The following PDE1C variants were observed in gnomAD, a reference collection of about 807,000 sequenced individuals.
PDE1C encodes the protein dual specificity calcium/calmodulin-dependent 3',5'-cyclic nucleotide phosphodiesterase 1C.
A neutral mutation model predicts 93.1 loss-of-function variants in PDE1C; 62 were observed. That is an observed-to-expected ratio of 0.67 (90% CI 0.54 to 0.82). The LOEUF (loss-of-function observed/expected upper bound fraction) is 0.82. Among genes scored for constraint, PDE1C ranks in the 40% least tolerant of loss-of-function variants. The probability of loss-of-function intolerance (pLI) is 0.00; values close to 1 mark genes in which losing one functional copy is unlikely to be tolerated. For synonymous variants in PDE1C, 325 were observed against 310.1 expected (o/e 1.05, Z -0.50); for missense variants, 742 against 884.6 (o/e 0.84, Z 2.04).
chr7:31,838,398 C>T (rs1335798640), intron 9 of PDE1C, among the ~76,000 whole-genome samples: 2 of 152,258 alleles, frequency 1.3e-5, no homozygotes, highest in African/African-American at 2.4e-5. Context: ...TTTAGGTTGA[C>T]AGAAAAATTG....
chr7:31,749,248 G>A (rs1207184251), downstream of PDE1C, among the ~76,000 whole-genome samples: 1 of 151,948 alleles, frequency 6.6e-6, no homozygotes, highest in Non-Finnish European at 1.5e-5. Flanking sequence ...TATTATAACT[G>A]AATGGAAAAA....
At chr7:32,240,370 A>C (rs562001434) in intron 1 of PDE1C, among the ~76,000 whole-genome samples, 33 of 152,362 alleles carry the variant, frequency 2.2e-4, no homozygotes, top group African/African-American at 4.6e-4. Flanking sequence ...GGGATTCAAC[A>C]GTGAACAAAA....
chr7:32,297,845 G>C (rs1585093666), intron 1 of PDE1C, among the ~76,000 whole-genome samples: 1 of 152,170 alleles, frequency 6.6e-6, no homozygotes, highest in African/African-American at 2.4e-5. Flanking sequence ...CTCTCTCTCA[G>C]ACTGAATTGG....
chr7:32,331,656 T>C (rs140390060), intron 1 of PDE1C, among the ~76,000 whole-genome samples: 300 of 152,092 alleles, frequency 2.0e-3, no homozygotes, highest in African/African-American at 6.7e-3. Context: ...GTGTGAGTGG[T>C]GGAAGTGGGG....
intron 1 of PDE1C, among the ~76,000 whole-genome samples, chr7:32,255,903 G>C (rs1350638028): frequency 6.6e-6 from 1 of 152,192 alleles, no homozygotes; most frequent in Non-Finnish European, 1.5e-5. Flanking sequence ...CCTCATGAGG[G>C]AAAGAGGACA....
intron 1 of PDE1C, among the ~76,000 whole-genome samples, chr7:32,377,701 G>T (rs942944002): frequency 6.6e-6 from 1 of 152,120 alleles, no homozygotes; most frequent in Non-Finnish European, 1.5e-5. Context: ...TTTAGAAATG[G>T]AGAATTGAGA....
At chr7:32,123,629 G>A (rs1799417454) in intron 3 of PDE1C, among the ~76,000 whole-genome samples, 1 of 152,172 alleles carries the variant, frequency 6.6e-6, no homozygotes, top group African/African-American at 2.4e-5. Context: ...AATAGATGCA[G>A]AAAGGGCCTT....
chr7:32,101,686 G>C (rs981170717), intron 3 of PDE1C, among the ~76,000 whole-genome samples: 6 of 152,158 alleles, frequency 3.9e-5, no homozygotes, highest in African/African-American at 1.2e-4. Flanking sequence ...ATGCTTCTTA[G>C]CCTGCAGAAC....
chr7:31,785,644 A>G (rs1783845602), intron 16 of PDE1C: 2 of 152,208 alleles, frequency 1.3e-5, no homozygotes, highest in South Asian at 4.1e-4. Flanking sequence ...ACATTCCTGG[A>G]GAAGCAGCCA....
intron 2 of PDE1C, among the ~76,000 whole-genome samples, chr7:32,013,886 C>T (rs1232605295): frequency 6.6e-6 from 1 of 152,218 alleles, no homozygotes; most frequent in Non-Finnish European, 1.5e-5. Context: ...TTACTTTTTA[C>T]ATGTGGGCCT....
the PDE1C span, among the ~76,000 whole-genome samples, chr7:31,730,291 CA>C: frequency 1.2e-4 from 18 of 152,158 alleles, no homozygotes; most frequent in Non-Finnish European, 1.9e-4. Flanking sequence ...GCTCAAAAGA[CA>C]TATTTCAGGA....
chr7:32,033,171 T>C (rs1790561068), intron 2 of PDE1C, among the ~76,000 whole-genome samples: 1 of 152,060 alleles, frequency 6.6e-6, no homozygotes. Context: ...GCAGAATCAA[T>C]TGTTAGTTCC....
intron 2 of PDE1C, among the ~76,000 whole-genome samples, chr7:32,048,776 A>AT (rs1404883248): frequency 3.9e-5 from 6 of 152,190 alleles, no homozygotes; most frequent in South Asian, 2.1e-4. Context: ...TCTACTTCAT[A>AT]TAAAAAATGT....
chr7:31,929,085 G>A (rs1370029777), intron 2 of PDE1C, among the ~76,000 whole-genome samples: 1 of 149,236 alleles, frequency 6.7e-6, no homozygotes, highest in Non-Finnish European at 1.5e-5. Context: ...AAGGGATGGA[G>A]GAATATTTAC....
At chr7:31,705,917 T>A in the PDE1C span, among the ~76,000 whole-genome samples, 1 of 150,654 alleles carries the variant, frequency 6.6e-6, no homozygotes, top group African/African-American at 2.4e-5. Flanking sequence ...TGGCCCTTCT[T>A]GGCTGGTCCT....
intron 3 of PDE1C, among the ~76,000 whole-genome samples, chr7:32,080,061 A>T (rs552142250): frequency 6.6e-6 from 1 of 152,184 alleles, no homozygotes. Flanking sequence ...AGGGAACAAC[A>T]TGTGCAAAGA....
At chr7:31,813,662 A>G (rs1562847834) in intron 15 of PDE1C, among the ~76,000 whole-genome samples, 1 of 151,818 alleles carries the variant, frequency 6.6e-6, no homozygotes, top group Non-Finnish European at 1.5e-5. Context: ...ATTTTTTTTA[A>G]TTTTTATTTC....
intron 1 of PDE1C, among the ~76,000 whole-genome samples, chr7:32,358,447 T>C (rs917756500): frequency 2.0e-5 from 3 of 152,166 alleles, no homozygotes; most frequent in Admixed American, 6.5e-5. Flanking sequence ...GTTGATAATA[T>C]AGACCACAGC....
At chr7:31,955,749 T>C (rs550901133) in intron 2 of PDE1C, among the ~76,000 whole-genome samples, 2 of 152,314 alleles carry the variant, frequency 1.3e-5, no homozygotes, top group Admixed American at 6.5e-5. Context: ...GGAAATTAAA[T>C]GATTTGCTCA....
Sources: gnomAD v4.1 joint callset for allele counts (sites outside exome capture counted in the v4.1 genomes callset) on GRCh38, gnomAD v4.1.1 for gene constraint, MANE v1.5 for transcripts, NCBI Gene and HGNC (gene_info 2026-07-23, HGNC 2026-07-21) for gene names.